OXSR1: variants seen among roughly 807,000 people sequenced by gnomAD.
The protein encoded by OXSR1 is serine/threonine-protein kinase OSR1.
Under a neutral mutation model 79.8 loss-of-function variants are expected in OXSR1, and 24 were observed. That is an observed-to-expected ratio of 0.30 (90% CI 0.22 to 0.42). The LOEUF is 0.42. Among genes scored for constraint, OXSR1 ranks in the 10% least tolerant of loss-of-function variants. The pLI is 1.00. For synonymous variants in OXSR1, 226 were observed against 209.2 expected, an observed-to-expected ratio of 1.08 and a Z score of -0.69; for missense variants, 430 against 618.4, an observed-to-expected ratio of 0.70 and a Z score of 3.23.
upstream of OXSR1, chr3:38,165,102 C>A (rs1440245402): frequency 1.3e-5 from 2 of 152,266 alleles, no homozygotes; most frequent in African/African-American, 4.8e-5. Flanking sequence ...GGGCTGCAGC[C>A]CTAACACGGA....
chr3:38,168,382 A>G (rs1345007339), intron 1 of OXSR1, among the ~76,000 whole-genome samples: 3 of 152,166 alleles, frequency 2.0e-5, no homozygotes, highest in Non-Finnish European at 4.4e-5. Context: ...TTAGACAACC[A>G]CAAATCTACT....
Position 38,254,306 on chromosome 3 carries a change from AC to A in OXSR1, c.*1417del. ...ATTTTCTCTTGGAACATATCTGAAA[AC>A]CTTCCCCACAAATAACTTGTCACAC... is the stretch of plus-strand genomic sequence containing the variant. On this transcript the variant is annotated 3_prime_UTR_variant, in exon 18 of 18. Transcript: ENST00000311806. 2.5e-6 allele frequency: 1 copy of A among 398,248 alleles called. No individual in the cohort carries two copies. Among genetic ancestry groups the A allele is most frequent in the South Asian group, 1.3e-4 (1 of 7,796 alleles). The allele number at this position is 398,248 out of a possible 1,614,324, so 24.7% of individuals were successfully genotyped here.
chr3:38,249,668 A>G (rs1703215488), intron 14 of OXSR1, among the ~76,000 whole-genome samples: 1 of 152,124 alleles, frequency 6.6e-6, no homozygotes, highest in South Asian at 2.1e-4. Context: ...TCTTAGTTTT[A>G]TATGTTCTTG....
chr3:38,245,835 A>G (rs899459661), intron 12 of OXSR1, among the ~76,000 whole-genome samples: 10 of 152,214 alleles, frequency 6.6e-5, no homozygotes, highest in African/African-American at 2.4e-4. Context: ...GCCAAATTGT[A>G]CAGTTACAGT....
chr3:38,231,578 A>C (rs921930099), intron 10 of OXSR1, among the ~76,000 whole-genome samples: 1 of 152,126 alleles, frequency 6.6e-6, no homozygotes, highest in Admixed American at 6.6e-5. Context: ...TCACCATCTG[A>C]CATTTTACAG....
chr3:38,228,946 G>T (rs1277943593), intron 8 of OXSR1, among the ~76,000 whole-genome samples: 1 of 152,204 alleles, frequency 6.6e-6, no homozygotes, highest in Admixed American at 6.5e-5. Context: ...GCTTGGCCAA[G>T]TAATACTGAA....
At position 38,253,106 on chromosome 3, in the gene OXSR1, T is replaced by C. The variant is rs1703293862; in HGVS notation, c.*215T>C. The C allele has an allele frequency of 5.3e-6, 3 of 563,074 alleles. No individual in the cohort carries two copies. The highest frequency in any genetic ancestry group is 6.3e-6 in the Non-Finnish European group (2 of 316,316). The allele number at this position is 563,074 out of a possible 1,614,324, so 34.9% of individuals were successfully genotyped here. ...GTGGCCAGCATCCCCAGAGTTCCGT[T>C]AGTAAACTTACTTCATATGTCCCCT... On this transcript the variant is annotated 3_prime_UTR_variant, in exon 18 of 18. Transcript: ENST00000311806.
chr3:38,242,199 G>A (rs1483608405), intron 11 of OXSR1, among the ~76,000 whole-genome samples: 1 of 152,080 alleles, frequency 6.6e-6, no homozygotes, highest in Admixed American at 6.6e-5. Context: ...AGTGGTCCAT[G>A]CTTTATTTTT....
chr3:38,198,685 T>G (rs770343919), intron 3 of OXSR1, 37 bp from the exon 4 acceptor site: 4 of 1,541,424 alleles, frequency 2.6e-6, no homozygotes, highest in Non-Finnish European at 3.6e-6. Flanking sequence ...ATTGAATGAT[T>G]TAGAGATTTT....
Position 38,165,708 on chromosome 3 carries a change from G to T in OXSR1, c.-169G>T, listed in dbSNP as rs968212742. The T allele has an allele frequency of 2.4e-5, 14 of 582,504 alleles. No homozygotes were observed. In the East Asian group the frequency reaches 4.1e-4, roughly 17 times the overall value. The allele number at this position is 582,504 out of a possible 1,614,324, so 36.1% of individuals were successfully genotyped here. A position where few individuals can be genotyped will look rare whatever the true frequency, so the allele number is the denominator to read the frequency against. The stretch of plus-strand genomic sequence containing the variant: ...CGGAGCTCTGAGCCCCCGCTGCTCT[G>T]CCGCGCGGTGACCCCGCGCCCCGGC... On this transcript the variant is annotated 5_prime_UTR_variant, in exon 1 of 18. Coordinates refer to ENST00000311806, the MANE Select transcript of OXSR1 (RefSeq NM_005109.3).
At chr3:38,217,764 A>G (rs1461406815) in intron 5 of OXSR1, among the ~76,000 whole-genome samples, 3 of 152,116 alleles carry the variant, frequency 2.0e-5, no homozygotes, top group Non-Finnish European at 2.9e-5. Flanking sequence ...ACCCACTAAA[A>G]AATAATTCCT....
At chr3:38,217,138 A>AAT (rs1475942572) in intron 5 of OXSR1, among the ~76,000 whole-genome samples, 2 of 152,258 alleles carry the variant, frequency 1.3e-5, no homozygotes, top group Non-Finnish European at 2.9e-5. Context: ...TCCCAAATGA[A>AAT]GACATCCAAA....
At chr3:38,193,342 C>T in intron 3 of OXSR1, 5 of 1,288,672 alleles carry the variant, frequency 3.9e-6, no homozygotes, top group Non-Finnish European at 5.1e-6. Context: ...TGGTTGGAAG[C>T]TTTGCTAACA....
rs191920138 is a variant in OXSR1, at chr3:38,194,842, A to T, written c.293-3880A>T. Among the ~76,000 whole-genome samples the T allele has an allele frequency of 2.0e-5, 3 of 152,350 alleles. No individual in the cohort carries two copies. In the East Asian group the frequency reaches 5.8e-4, roughly 29 times the overall value. ...GTACCTTCTTTCATATCACCTTTTT[A>T]GTCAGAATATTGAAAACAAAAGCAC... On this transcript the variant is annotated intron_variant, in intron 3 of 17. Transcript: ENST00000311806.
At chr3:38,246,054 C>T (rs1349071411) in intron 12 of OXSR1, 21 bp from the exon 13 acceptor site, 1 of 1,612,154 alleles carries the variant, frequency 6.2e-7, no homozygotes, top group Non-Finnish European at 8.5e-7. Flanking sequence ...TTAAGCAACA[C>T]TGTGTGTGTT....
At chr3:38,181,096 AC>A (rs1393007407) in intron 1 of OXSR1, among the ~76,000 whole-genome samples, 3 of 148,756 alleles carry the variant, frequency 2.0e-5, no homozygotes, top group Admixed American at 2.0e-4. Context: ...TCATTATCCC[AC>A]CATTCCCTAA....
chr3:38,239,617 C>T (rs966038496), intron 11 of OXSR1, among the ~76,000 whole-genome samples: 1 of 152,190 alleles, frequency 6.6e-6, no homozygotes, highest in African/African-American at 2.4e-5. Flanking sequence ...ACTCTTACCT[C>T]TCATCGTTTT....
chr3:38,227,771 C>T (rs565757162), intron 8 of OXSR1, among the ~76,000 whole-genome samples: 55 of 152,202 alleles, frequency 3.6e-4, no homozygotes, highest in African/African-American at 1.3e-3. Context: ...GTACAAGTTG[C>T]TGTGAAACTA....
chr3:38,241,849 A>G (rs541518243), intron 11 of OXSR1, among the ~76,000 whole-genome samples: 34 of 149,534 alleles, frequency 2.3e-4, no homozygotes, highest in Non-Finnish European at 4.6e-4. Flanking sequence ...CTTACTTGGT[A>G]TGCTACATTA....
Sources: gnomAD v4.1 joint callset for allele counts (sites outside exome capture counted in the v4.1 genomes callset) on GRCh38, gnomAD v4.1.1 for gene constraint, MANE v1.5 for transcripts, NCBI Gene and HGNC (gene_info 2026-07-23, HGNC 2026-07-21) for gene names.